Variants in ANKFN1 observed in about 807,000 individuals in gnomAD.
ANKFN1 encodes the protein ankyrin repeat and fibronectin type III domain containing 1.
ANKFN1 carries 74 observed loss-of-function variants against 108.7 expected under a neutral mutation model. The ratio of observed to expected loss-of-function variants is 0.68; its 90% CI spans 0.56 to 0.83. The LOEUF (loss-of-function observed/expected upper bound fraction) is 0.83, where lower values mean the gene tolerates loss of function less well. Ranked by LOEUF, ANKFN1 falls within the 40% of genes least tolerant of loss-of-function variation. The pLI is 0.00. For synonymous variants in ANKFN1, 547 were observed against 516.2 expected, an observed-to-expected ratio of 1.06 and a Z score of -0.81; for missense variants, 1,505 against 1,382.3, an observed-to-expected ratio of 1.09 and a Z score of -1.41.
chr17:56,249,673 T>C (rs552021233), intron 3 of ANKFN1, among the ~76,000 whole-genome samples: 2 of 152,250 alleles, frequency 1.3e-5, no homozygotes, highest in South Asian at 4.2e-4. Context: ...GTATGTATTG[T>C]CCCAGGGATG....
chr17:56,319,798 C>A (rs1400450575), intron 3 of ANKFN1, among the ~76,000 whole-genome samples: 1 of 152,148 alleles, frequency 6.6e-6, no homozygotes, highest in Non-Finnish European at 1.5e-5. Context: ...GAGCTGATCT[C>A]ATTTCTCAGT....
intron 1 of ANKFN1, among the ~76,000 whole-genome samples, chr17:56,161,248 A>G (rs1909631296): frequency 6.6e-6 from 1 of 152,194 alleles, no homozygotes; most frequent in Non-Finnish European, 1.5e-5. Context: ...TGGTAGTATC[A>G]TTAGGGTTAA....
rs1055591142 is a variant in ANKFN1, at chr17:56,516,259, TGTGTG to T, written c.*4991_*4995del. Among the ~76,000 whole-genome samples, 1 of 119,718 alleles carries T rather than the reference TGTGTG, an allele frequency of 8.4e-6. No individual in the cohort carries two copies. Among genetic ancestry groups the T allele is most frequent in the African/African-American group, 3.1e-5 (1 of 32,650 alleles). The allele number at this position is 119,718 out of a possible 152,430, so 78.5% of individuals were successfully genotyped here. A position where few individuals can be genotyped will look rare whatever the true frequency, so the allele number is the denominator to read the frequency against. ...TTGATGTTTGTGATTTTTAAAAAAG[TGTGTG>T]TGTGTGTGTGTGTGTGTGCGTGTGT... On this transcript the variant is annotated 3_prime_UTR_variant, in exon 21 of 21. Transcript: ENST00000682825.
intron 4 of ANKFN1, among the ~76,000 whole-genome samples, chr17:56,078,098 T>C (rs764032626): frequency 5.3e-5 from 8 of 152,228 alleles, no homozygotes; most frequent in Non-Finnish European, 1.0e-4. Flanking sequence ...TTGCATACTC[T>C]GTCTAGTAAG....
rs376012022 is a variant in ANKFN1, at chr17:56,131,816, A to G, written c.288+85491A>G. ...CGAGACAGGATTTCTTGAGCCCAGG[A>G]GTTTGAGACCAGCCTGGACAACATA... On this transcript the variant is annotated intron_variant, in intron 4 of 12. Coordinates refer to the ANKFN1 transcript ENST00000635860. Among the ~76,000 whole-genome samples, 43 of 152,298 alleles carry G rather than the reference A, an allele frequency of 2.8e-4. No homozygotes were observed. In the East Asian group the frequency reaches 3.7e-3, roughly 13 times the overall value.
chr17:56,211,165 G>T (rs951576637), intron 1 of ANKFN1, among the ~76,000 whole-genome samples: 10 of 152,138 alleles, frequency 6.6e-5, no homozygotes, highest in African/African-American at 2.4e-4. Flanking sequence ...TCTTGATTAT[G>T]AAGTCTTTGC....
At chr17:56,196,438 C>T (rs1354999536) in intron 1 of ANKFN1, among the ~76,000 whole-genome samples, 3 of 152,074 alleles carry the variant, frequency 2.0e-5, no homozygotes, top group Non-Finnish European at 4.4e-5. Context: ...AAGTGCCTTT[C>T]AATCCTGAGA....
intron 4 of ANKFN1, among the ~76,000 whole-genome samples, chr17:56,339,451 C>T (rs1232907456): frequency 2.0e-5 from 3 of 152,082 alleles, no homozygotes; most frequent in Non-Finnish European, 4.4e-5. Flanking sequence ...CTGATCCTCT[C>T]CCTCTTCCTA....
intron 20 of ANKFN1, among the ~76,000 whole-genome samples, chr17:56,500,090 ACATC>A (rs2051320255): frequency 6.6e-6 from 1 of 152,224 alleles, no homozygotes; most frequent in East Asian, 1.9e-4. Flanking sequence ...ACAGATTACT[ACATC>A]TGACACTCAG....
intron 6 of ANKFN1, among the ~76,000 whole-genome samples, chr17:56,366,691 C>T (rs1396358130): frequency 6.6e-6 from 1 of 152,174 alleles, no homozygotes; most frequent in Non-Finnish European, 1.5e-5. Context: ...GTCAGTACAG[C>T]AACATGCTGT....
chr17:56,152,260 ATATG>A (rs1253139412), upstream of ANKFN1, among the ~76,000 whole-genome samples: 1,728 of 128,594 alleles, frequency 0.013, 33 homozygotes, highest in Middle Eastern at 0.016. Context: ...ATATATATAT[ATATG>A]TGTGTGTGTG....
At chr17:56,055,603 T>TATATA (rs1555588793) in intron 4 of ANKFN1, among the ~76,000 whole-genome samples, 13 of 37,626 alleles carry the variant, frequency 3.5e-4, no homozygotes, top group Non-Finnish European at 5.1e-4. Context: ...ATATACACAT[T>TATATA]TTTTTATCCA....
intron 13 of ANKFN1, 68 bp downstream of exon 13, chr17:56,457,457 C>T: frequency 6.8e-7 from 1 of 1,476,710 alleles, no homozygotes; most frequent in Admixed American, 2.4e-5. Context: ...ATCTCTGAAA[C>T]ATTAGTTGAG....
chr17:56,318,788 A>T (rs1413693927), intron 3 of ANKFN1, among the ~76,000 whole-genome samples: 1 of 152,116 alleles, frequency 6.6e-6, no homozygotes, highest in East Asian at 1.9e-4. Context: ...CTGAGTTAGG[A>T]CTACTCATCC....
intron 1 of ANKFN1, among the ~76,000 whole-genome samples, chr17:56,200,595 C>A (rs1913965609): frequency 6.6e-6 from 1 of 152,230 alleles, no homozygotes; most frequent in African/African-American, 2.4e-5. Context: ...TCCCTCTTGC[C>A]CTTCGGAGTG....
intron 4 of ANKFN1, among the ~76,000 whole-genome samples, chr17:56,072,877 T>A (rs2143142495): frequency 6.6e-6 from 1 of 152,290 alleles, no homozygotes; most frequent in Non-Finnish European, 1.5e-5. Context: ...AAAAAATTTA[T>A]CCTGAGAAAT....
chr17:56,501,337 T>A (rs113117897), intron 20 of ANKFN1, among the ~76,000 whole-genome samples: 11 of 152,324 alleles, frequency 7.2e-5, no homozygotes, highest in African/African-American at 2.6e-4. Flanking sequence ...TATAATCTGA[T>A]CTGTAAAATC....
intron 6 of ANKFN1, among the ~76,000 whole-genome samples, chr17:56,366,987 G>T (rs1381857888): frequency 6.6e-6 from 1 of 152,142 alleles, no homozygotes; most frequent in Non-Finnish European, 1.5e-5. Context: ...CAGGACCAAG[G>T]GTACTAAAGG....
At chr17:56,494,996 A>C (rs2145429708) in intron 19 of ANKFN1, among the ~76,000 whole-genome samples, 1 of 151,884 alleles carries the variant, frequency 6.6e-6, no homozygotes, top group East Asian at 1.9e-4. Context: ...CTCTTCTTTT[A>C]TGTCACACCA....
Sources: gnomAD v4.1 joint callset for allele counts (sites outside exome capture counted in the v4.1 genomes callset) on GRCh38, gnomAD v4.1.1 for gene constraint, MANE v1.5 for transcripts, NCBI Gene and HGNC (gene_info 2026-07-23, HGNC 2026-07-21) for gene names.